Variants in RPS6KC1 observed in about 807,000 individuals in gnomAD.
RPS6KC1 encodes the protein inactive ribosomal protein S6 kinase delta-1.
A neutral mutation model predicts 103.8 loss-of-function variants in RPS6KC1; 54 were observed. The ratio of observed to expected loss-of-function variants is 0.52; its 90% CI spans 0.42 to 0.65. The LOEUF (loss-of-function observed/expected upper bound fraction) is 0.65, where lower values mean the gene tolerates loss of function less well. Ranked by LOEUF, RPS6KC1 falls within the 30% of genes least tolerant of loss-of-function variation. The pLI, the probability that RPS6KC1 is intolerant of heterozygous loss-of-function variation, is 0.00. For missense variants in RPS6KC1, 1,151 were observed against 1,253.8 expected, an observed-to-expected ratio of 0.92 and a Z score of 1.24; for synonymous variants, 439 against 438.7, an observed-to-expected ratio of 1.00 and a Z score of -0.01.
At chr1:213,232,398 C>T in intron 10 of RPS6KC1, 143 bp downstream of exon 10, 1 of 1,026,792 alleles carries the variant, frequency 9.7e-7, no homozygotes, top group Non-Finnish European at 1.5e-6. Flanking sequence ...TACCTCCCTA[C>T]TTTGAGTTGT....
At chr1:213,494,132 C>T in the RPS6KC1 span, among the ~76,000 whole-genome samples, 1 of 152,000 alleles carries the variant, frequency 6.6e-6, no homozygotes, top group East Asian at 1.9e-4. Flanking sequence ...CATTAGCCTG[C>T]CCCCGGCTAC....
At chr1:213,584,271 A>G in the RPS6KC1 span, among the ~76,000 whole-genome samples, 2 of 152,174 alleles carry the variant, frequency 1.3e-5, no homozygotes, top group East Asian at 3.9e-4. Flanking sequence ...ACCCAGTCTC[A>G]GGTATGTCTT....
the RPS6KC1 span, among the ~76,000 whole-genome samples, chr1:213,414,616 T>A: frequency 2.6e-5 from 4 of 152,222 alleles, no homozygotes; most frequent in Non-Finnish European, 4.4e-5. Flanking sequence ...TCTGACCACC[T>A]GCATGTCATA....
At chr1:213,402,467 A>C in the RPS6KC1 span, among the ~76,000 whole-genome samples, 2 of 81,008 alleles carry the variant, frequency 2.5e-5, no homozygotes, top group Non-Finnish European at 2.8e-5. Flanking sequence ...TTGCACACAG[A>C]TTCCAACATC....
the RPS6KC1 span, among the ~76,000 whole-genome samples, chr1:213,526,703 T>C: frequency 6.6e-6 from 1 of 152,154 alleles, no homozygotes; most frequent in South Asian, 2.1e-4. Context: ...GAGCCTCCAT[T>C]TCCTCATCTA....
the RPS6KC1 span, among the ~76,000 whole-genome samples, chr1:213,287,790 G>C: frequency 1.3e-5 from 2 of 152,156 alleles, no homozygotes; most frequent in African/African-American, 4.8e-5. Context: ...GGCTGCTGAG[G>C]CAGGAAGTTC....
At chr1:213,839,699 A>C in the RPS6KC1 span, 1 of 152,050 alleles carries the variant, frequency 6.6e-6, no homozygotes, top group Admixed American at 6.6e-5. Context: ...GGGCTTTGGA[A>C]CTAGAGAGGC....
chr1:213,252,194 A>C (rs2094557841), intron 12 of RPS6KC1, among the ~76,000 whole-genome samples: 1 of 152,230 alleles, frequency 6.6e-6, no homozygotes, highest in African/African-American at 2.4e-5. Flanking sequence ...AGAGAAATTG[A>C]CTAGGATTTT....
the RPS6KC1 span, chr1:213,840,965 A>G: frequency 6.6e-6 from 1 of 152,178 alleles, no homozygotes; most frequent in African/African-American, 2.4e-5. Flanking sequence ...CTCAGGATCC[A>G]CAAGCCGATG....
At chr1:213,227,129 T>C (rs1191480406) in intron 8 of RPS6KC1, among the ~76,000 whole-genome samples, 1 of 152,218 alleles carries the variant, frequency 6.6e-6, no homozygotes, top group Non-Finnish European at 1.5e-5. Flanking sequence ...TTGAGAGAAT[T>C]ACATGATTTA....
chr1:213,536,521 T>G, the RPS6KC1 span, among the ~76,000 whole-genome samples: 1 of 152,188 alleles, frequency 6.6e-6, no homozygotes, highest in East Asian at 1.9e-4. Flanking sequence ...GGACAACACC[T>G]GGGGTATAGT....
At chr1:213,364,684 T>C in the RPS6KC1 span, among the ~76,000 whole-genome samples, 1 of 152,154 alleles carries the variant, frequency 6.6e-6, no homozygotes, top group South Asian at 2.1e-4. Context: ...CTAGGTGCAG[T>C]GGCTCACACC....
chr1:213,364,156 A>G, the RPS6KC1 span, among the ~76,000 whole-genome samples: 2 of 152,168 alleles, frequency 1.3e-5, no homozygotes, highest in Non-Finnish European at 1.5e-5. Flanking sequence ...ACATAAACAA[A>G]TGGATGTGGC....
At chr1:213,436,926 C>G in the RPS6KC1 span, among the ~76,000 whole-genome samples, 1 of 152,074 alleles carries the variant, frequency 6.6e-6, no homozygotes, top group Non-Finnish European at 1.5e-5. Context: ...TTGTTTGTAA[C>G]CAATTATATA....
the RPS6KC1 span, among the ~76,000 whole-genome samples, chr1:213,514,728 C>T: frequency 1.2e-4 from 19 of 152,252 alleles, no homozygotes; most frequent in African/African-American, 4.3e-4. Flanking sequence ...GTTTTATAAT[C>T]CTTTGGGTAT....
the RPS6KC1 span, among the ~76,000 whole-genome samples, chr1:213,438,792 C>CTTTTT: frequency 6.2e-5 from 8 of 129,726 alleles, no homozygotes; most frequent in Non-Finnish European, 8.3e-5. Context: ...ATCTTGGTTT[C>CTTTTT]TTTTTTTTTT....
chr1:213,078,455 A>G (rs1572384532), intron 3 of RPS6KC1, among the ~76,000 whole-genome samples: 2 of 152,194 alleles, frequency 1.3e-5, no homozygotes, highest in South Asian at 4.2e-4. Context: ...AGGCTGGAGT[A>G]TAGTGGCACG....
the RPS6KC1 span, among the ~76,000 whole-genome samples, chr1:213,423,694 C>A: frequency 6.6e-6 from 1 of 151,374 alleles, no homozygotes; most frequent in Non-Finnish European, 1.5e-5. Context: ...CAAGTGTTAG[C>A]AAATGCTCAT....
At chr1:213,223,937 A>T (rs1020950004) in intron 8 of RPS6KC1, among the ~76,000 whole-genome samples, 1 of 152,280 alleles carries the variant, frequency 6.6e-6, no homozygotes, top group Non-Finnish European at 1.5e-5. Context: ...TTTAAAAGGA[A>T]TTGGAGCTGA....
Sources: gnomAD v4.1 joint callset for allele counts (sites outside exome capture counted in the v4.1 genomes callset) on GRCh38, gnomAD v4.1.1 for gene constraint, MANE v1.5 for transcripts, NCBI Gene and HGNC (gene_info 2026-07-23, HGNC 2026-07-21) for gene names.